Variants in DDA1 observed in about 807,000 individuals in gnomAD.
The protein encoded by DDA1 is DET1 and DDB1 associated 1, also known as DET1- and DDB1-associated protein 1.
DDA1 carries 3 observed loss-of-function variants against 18.6 expected under a neutral mutation model. The ratio of observed to expected loss-of-function variants is 0.16; its 90% CI spans 0.07 to 0.42. DDA1 has a LOEUF of 0.42. DDA1 is among the 10% of genes least tolerant of loss of function. The probability of loss-of-function intolerance (pLI) is 0.99; values close to 1 mark genes in which losing one functional copy is unlikely to be tolerated. For missense variants in DDA1, 105 were observed against 138.2 expected (o/e 0.76, Z 1.20); for synonymous variants, 52 against 54.0 (o/e 0.96, Z 0.17).
rs1409368215 is a variant in DDA1 at position 17,314,707 on chromosome 19, G to A, written c.136+318G>A. 5.0e-6 allele frequency: 2 copies of A among 398,738 alleles called. No homozygotes were observed. The highest frequency in any genetic ancestry group is 2.1e-5 in the African/African-American group (1 of 48,776). The allele number at this position is 398,738 out of a possible 1,614,324, so 24.7% of individuals were successfully genotyped here. On this transcript the variant is annotated intron_variant, in intron 3 of 4. Transcript: ENST00000359866. This position sits in a 1 kb window ranked among gnomAD's most constrained non-coding sequence, Gnocchi z 4.6. ...TGGGATCCACAGCCAGCCCAAAGGG[G>A]CCCCCAAGTTGTCCCTCATCTGCCA...
intron 1 of DDA1, among the ~76,000 whole-genome samples, chr19:17,309,887 G>A (rs1011617962): frequency 6.6e-6 from 1 of 152,042 alleles, no homozygotes; most frequent in African/African-American, 2.4e-5. Flanking sequence ...AGGATACCAA[G>A]CCCTGACAAC....
At chr19:17,310,872 C>G (rs1053990976) in intron 1 of DDA1, among the ~76,000 whole-genome samples, 4 of 152,222 alleles carry the variant, frequency 2.6e-5, no homozygotes, top group Non-Finnish European at 5.9e-5. Context: ...ACCTGCATAC[C>G]TGTCCCAGCT....
In DDA1 at chr19:17,319,926, C is replaced by T; in HGVS notation, c.*270C>T. On this transcript the variant is annotated 3_prime_UTR_variant, in exon 5 of 5. Transcript: ENST00000359866. The stretch of plus-strand genomic sequence containing the variant: ...GCTTTTTAAAAAAAACAACATTGTC[C>T]CCCCGACCCCCGCCTTCCATCGGGC... The T allele has an allele frequency of 5.5e-6, 2 of 360,420 alleles. No individual in the cohort carries two copies. The highest frequency in any genetic ancestry group is 1.0e-5 in the Non-Finnish European group (2 of 196,430). The allele number at this position is 360,420 out of a possible 1,614,324, so 22.3% of individuals were successfully genotyped here.
intron 4 of DDA1, among the ~76,000 whole-genome samples, chr19:17,317,285 A>G (rs113358959): frequency 0.085 from 13,007 of 152,188 alleles, 646 homozygotes; most frequent in Non-Finnish European, 0.11. Context: ...CGAGTCAGGC[A>G]GACCATGAGG....
At chr19:17,312,245 C>T (rs780890488) in intron 1 of DDA1, among the ~76,000 whole-genome samples, 5 of 152,140 alleles carry the variant, frequency 3.3e-5, no homozygotes, top group South Asian at 2.1e-4. Flanking sequence ...TGTGTGAGCC[C>T]GGCCAGGGTT....
In DDA1 at chr19:17,314,878, G is replaced by A. The variant is rs1195049787; in HGVS notation, c.136+489G>A. 1 of 165,802 alleles carries A rather than the reference G, an allele frequency of 6.0e-6. No individual in the cohort carries two copies. Among genetic ancestry groups the A allele is most frequent in the East Asian group, 1.8e-4 (1 of 5,678 alleles). The allele number at this position is 165,802 out of a possible 1,614,324, so 10.3% of individuals were successfully genotyped here. On this transcript the variant is annotated intron_variant, in intron 3 of 4. Coordinates refer to ENST00000359866, the MANE Select transcript of DDA1 (RefSeq NM_024050.6). The surrounding 1 kb of genome is among the most constrained non-coding windows in gnomAD (Gnocchi z 4.6). The stretch of plus-strand genomic sequence containing the variant: ...AAGCCTGGGTGGCAGTGATGGGAAG[G>A]GGGTCCAGGCAAAGGGGCCCACAGC...
intron 3 of DDA1, among the ~76,000 whole-genome samples, chr19:17,315,359 T>TACACACTATATATATACAC (rs1480066219): frequency 1.6e-5 from 1 of 60,732 alleles, no homozygotes; most frequent in African/African-American, 5.8e-5. Context: ...GCTATATATA[T>TACACACTATATATATACAC]ACGCTATATA....
At chr19:17,309,698 C>T in intron 1 of DDA1, 41 bp downstream of exon 1, 1 of 1,605,736 alleles carries the variant, frequency 6.2e-7, no homozygotes, top group Non-Finnish European at 8.5e-7. Flanking sequence ...CTCTGCTAGA[C>T]AAAATGGCGC....
intron 1 of DDA1, 67 bp from the exon 2 acceptor site, chr19:17,313,956 T>G: frequency 7.6e-7 from 1 of 1,320,534 alleles, no homozygotes; most frequent in Non-Finnish European, 1.1e-6. Context: ...GCAGTCACCC[T>G]GCAGGTGCTC....
intron 4 of DDA1, among the ~76,000 whole-genome samples, chr19:17,318,947 C>T (rs2074226641): frequency 6.6e-6 from 1 of 152,042 alleles, no homozygotes; most frequent in South Asian, 2.1e-4. Flanking sequence ...ATCCAAGCTG[C>T]TGGGCCCACC....
chr19:17,310,807 A>G (rs2074175507), intron 1 of DDA1, among the ~76,000 whole-genome samples: 1 of 152,154 alleles, frequency 6.6e-6, no homozygotes, highest in Non-Finnish European at 1.5e-5. Flanking sequence ...TGCCTTCTGA[A>G]CACACCTGAA....
At chr19:17,309,929 A>C (rs1402274171) in intron 1 of DDA1, among the ~76,000 whole-genome samples, 1 of 151,178 alleles carries the variant, frequency 6.6e-6, no homozygotes, top group Non-Finnish European at 1.5e-5. Flanking sequence ...CTCCCCCCGG[A>C]AATCGTCTGG....
intron 3 of DDA1, among the ~76,000 whole-genome samples, chr19:17,315,137 A>G (rs11669507): frequency 0.24 from 15,777 of 65,044 alleles, 3,847 homozygotes; most frequent in Non-Finnish European, 0.26. Context: ...ATACACACAT[A>G]TATATACACA....
Position 17,319,584 on chromosome 19 carries a change from G to A in DDA1, c.237G>A (p.Leu79=), listed in dbSNP as rs1191596374. The change falls in exon 5 of 5, where the codon CTG becomes CTA. Residue 79 remains leucine, a synonymous_variant. Transcript: ENST00000359866. ...AGAGAGACCAGGAGCAAGTGGAGCTGGAAGGCGAGAGCTCCGCACCTCCCC... is the reference window on the plus strand; with the variant it reads ...AGAGAGACCAGGAGCAAGTGGAGCTAGAAGGCGAGAGCTCCGCACCTCCCC... ...AKKRDQEQVE[L]EGESSAPPRK... The A allele has an allele frequency of 1.3e-6, 2 of 1,578,332 alleles. No individual in the cohort carries two copies. Among genetic ancestry groups the A allele is most frequent in the Admixed American group, 3.7e-5 (2 of 54,504 alleles).
chr19:17,320,355 C>CTG lies in DDA1; in HGVS notation c.*701_*702dup, dbSNP rs2074234280. The stretch of plus-strand genomic sequence containing the variant: ...AGGACGGAGCCCCTGGGAGTCATCC[C>CTG]TGTTGTCACCAAGAGGAGTGAGAAG... On this transcript the variant is annotated 3_prime_UTR_variant, in exon 5 of 5. Coordinates refer to ENST00000359866, the MANE Select transcript of DDA1 (RefSeq NM_024050.6). 6.6e-6 allele frequency: 1 copy of CTG among 152,298 alleles called. No homozygotes were observed. Among genetic ancestry groups the CTG allele is most frequent in the Non-Finnish European group, 1.5e-5 (1 of 68,068 alleles). The allele number at this position is 152,298 out of a possible 1,614,324, so 9.4% of individuals were successfully genotyped here.
Position 17,314,363 on chromosome 19 carries a change from C to T in DDA1, c.110C>T (p.Pro37Leu), listed in dbSNP as rs1441813998. The T allele has an allele frequency of 6.2e-7, 1 of 1,614,136 alleles. No individual in the cohort carries two copies. The highest frequency in any genetic ancestry group is 8.5e-7 in the Non-Finnish European group (1 of 1,180,056). The stretch of plus-strand genomic sequence containing the variant: ...AACCGACGGCCCTCAGTCTACCTGC[C>T]TACCCGCGAGTACCCGTCTGAACAG... The part of the protein sequence containing the change: ...ASNRRPSVYL[P>L]TREYPSEQII... Residue 37 changes from proline (P) to leucine (L), a missense_variant, in exon 3 of 5, where the codon CCT becomes CTT. Pro to Leu is a moderately conservative substitution (Grantham distance 98). Coordinates refer to ENST00000359866, the MANE Select transcript of DDA1 (RefSeq NM_024050.6). This position sits in a 1 kb window ranked among gnomAD's most constrained non-coding sequence, Gnocchi z 4.6.
In DDA1 at chr19:17,319,677, C is replaced by T. The variant is rs769984314; in HGVS notation, c.*21C>T. 3 of 1,550,420 alleles carry T rather than the reference C, an allele frequency of 1.9e-6. No individual in the cohort carries two copies. Among genetic ancestry groups the T allele is most frequent in the Non-Finnish European group, 2.6e-6 (3 of 1,145,840 alleles). On this transcript the variant is annotated 3_prime_UTR_variant, in exon 5 of 5. Transcript: ENST00000359866. ...CTTAAGACTCTCAACTCCACAGGCGCCTCCTGCCAGGTCTGCTCCTCGGTC... is the reference window on the plus strand; with the variant it reads ...CTTAAGACTCTCAACTCCACAGGCGTCTCCTGCCAGGTCTGCTCCTCGGTC...
In DDA1 at chr19:17,316,009, G is replaced by A; in HGVS notation, c.198+14G>A. The A allele has an allele frequency of 6.2e-7, 1 of 1,614,006 alleles. No homozygotes were observed. The highest frequency in any genetic ancestry group is 8.5e-7 in the Non-Finnish European group (1 of 1,179,874). On this transcript the variant is annotated intron_variant, in intron 4 of 4. Transcript: ENST00000359866. ...TGGGACAAAAAGGTGAGGCCCACAG[G>A]GCTCTGGTGCAGGGATTGTGGGTGG... is the stretch of plus-strand genomic sequence containing the variant.
rs2074199028 is a variant in DDA1, at chr19:17,315,174, CACACACGTGTAT to C, written c.137-753_137-742del. Among the ~76,000 whole-genome samples the C allele has an allele frequency of 4.2e-5, 2 of 47,212 alleles. 1 individual carries two copies. Among genetic ancestry groups the C allele is most frequent in the Non-Finnish European group, 8.2e-5 (2 of 24,442 alleles). The allele number at this position is 47,212 out of a possible 152,430, so 31.0% of individuals were successfully genotyped here. A position where few individuals can be genotyped will look rare whatever the true frequency, so the allele number is the denominator to read the frequency against. ...ACGTATATATACACACGTGTATATACACACACGTGTATACACACACGTGTATACACACGTGTA... is the reference window on the plus strand; with the variant it reads ...ACGTATATATACACACGTGTATATACACACACACGTGTATACACACGTGTA... On this transcript the variant is annotated intron_variant, in intron 3 of 4. Transcript: ENST00000359866.
Sources: allele counts gnomAD v4.1 joint callset (sites outside exome capture counted in the v4.1 genomes callset), GRCh38; gene constraint gnomAD v4.1.1; non-coding constraint Gnocchi (gnomAD v3.1); transcripts MANE v1.5; gene names NCBI Gene and HGNC (gene_info 2026-07-23, HGNC 2026-07-21).